PPP2R2C: variants seen among roughly 807,000 people sequenced by gnomAD.
PPP2R2C encodes the protein protein phosphatase 2 regulatory subunit Bgamma, also known as protein phosphatase 2, regulatory subunit B, gamma.
In PPP2R2C, 10 loss-of-function variants were observed where a neutral mutation model predicts 45.3. The observed-to-expected ratio is 0.22, with a 90% CI of 0.14 to 0.37. PPP2R2C has a LOEUF of 0.37. PPP2R2C is among the 10% of genes least tolerant of loss of function. The pLI, the probability that PPP2R2C is intolerant of heterozygous loss-of-function variation, is 1.00. For missense variants in PPP2R2C, 308 were observed against 619.7 expected (o/e 0.50, Z 5.34); for synonymous variants, 257 against 245.4 (o/e 1.05, Z -0.44).
chr4:6,448,161 T>G (rs889118352), intron 1 of PPP2R2C, among the ~76,000 whole-genome samples: 3 of 152,116 alleles, frequency 2.0e-5, no homozygotes, highest in Non-Finnish European at 4.4e-5. Flanking sequence ...TTGGGTGCGT[T>G]CTCTGTGCCA....
intron 5 of PPP2R2C, among the ~76,000 whole-genome samples, chr4:6,366,911 G>C (rs1265644257): frequency 1.3e-5 from 2 of 152,080 alleles, no homozygotes; most frequent in African/African-American, 4.8e-5. Flanking sequence ...GTTTTAAGGG[G>C]GGCTGACATG....
chr4:6,403,793 G>A (rs1236908475), intron 1 of PPP2R2C, among the ~76,000 whole-genome samples: 3 of 151,968 alleles, frequency 2.0e-5, no homozygotes, highest in Non-Finnish European at 4.4e-5. Context: ...AACCTGGGAG[G>A]CGGAGGTTGC....
intron 1 of PPP2R2C, among the ~76,000 whole-genome samples, chr4:6,466,024 C>T (rs891494361): frequency 1.3e-5 from 2 of 152,170 alleles, no homozygotes; most frequent in African/African-American, 4.8e-5. Context: ...GAAAGGACAC[C>T]ATAGGGTTCC....
intron 5 of PPP2R2C, among the ~76,000 whole-genome samples, chr4:6,369,933 G>T (rs1050853328): frequency 6.6e-6 from 1 of 152,150 alleles, no homozygotes. Flanking sequence ...CGTGGGGAAT[G>T]AATGGTTGAA....
At chr4:6,548,271 C>T (rs531851569) in intron 1 of PPP2R2C, among the ~76,000 whole-genome samples, 2 of 152,144 alleles carry the variant, frequency 1.3e-5, no homozygotes, top group South Asian at 4.2e-4. Context: ...CACAACCACA[C>T]CTGTTAGGAT....
At chr4:6,496,005 G>C (rs576114015) in intron 2 of PPP2R2C, among the ~76,000 whole-genome samples, 1 of 152,218 alleles carries the variant, frequency 6.6e-6, no homozygotes, top group South Asian at 2.1e-4. Context: ...GTGCCCCTTG[G>C]CTTGTGAACA....
intron 1 of PPP2R2C, among the ~76,000 whole-genome samples, chr4:6,543,448 CGTG>C (rs1369085280): frequency 2.0e-5 from 3 of 152,118 alleles, no homozygotes; most frequent in Non-Finnish European, 4.4e-5. Context: ...CCAGGCCAGG[CGTG>C]GTGGTTCATG....
intron 5 of PPP2R2C, chr4:6,351,161 A>T (rs1312822681): frequency 3.3e-6 from 2 of 600,374 alleles, no homozygotes; most frequent in East Asian, 1.4e-4. Context: ...AAAATAAAAA[A>T]AAATTAGCCA....
chr4:6,396,288 G>A (rs966471394), intron 1 of PPP2R2C, among the ~76,000 whole-genome samples: 5 of 152,206 alleles, frequency 3.3e-5, no homozygotes, highest in African/African-American at 1.2e-4. Flanking sequence ...CCTGAGCCAT[G>A]AGAGTGACGG....
intron 5 of PPP2R2C, among the ~76,000 whole-genome samples, chr4:6,352,640 G>A (rs1712677705): frequency 6.6e-6 from 1 of 152,206 alleles, no homozygotes; most frequent in Non-Finnish European, 1.5e-5. Flanking sequence ...GAATTCCAGA[G>A]AGAGGAGCAA....
chr4:6,413,241 A>G (rs1399514041), intron 1 of PPP2R2C, among the ~76,000 whole-genome samples: 8 of 145,500 alleles, frequency 5.5e-5, no homozygotes, highest in African/African-American at 1.7e-4. Flanking sequence ...TTGTACATAC[A>G]AACACACAGT....
chr4:6,475,925 T>C (rs1220189447), upstream of PPP2R2C, among the ~76,000 whole-genome samples: 1 of 152,096 alleles, frequency 6.6e-6, no homozygotes, highest in African/African-American at 2.4e-5. Flanking sequence ...GGGGTCTTCA[T>C]GGAGAGATTA....
intron 1 of PPP2R2C, among the ~76,000 whole-genome samples, chr4:6,404,439 C>T (rs187856822): frequency 5.0e-4 from 76 of 152,336 alleles, no homozygotes; most frequent in African/African-American, 1.7e-3. Context: ...CTCCTGACCT[C>T]GCTTGTATGC....
At chr4:6,419,074 A>T (rs1411819249) in intron 1 of PPP2R2C, among the ~76,000 whole-genome samples, 1 of 152,230 alleles carries the variant, frequency 6.6e-6, no homozygotes, top group Admixed American at 6.5e-5. Context: ...CCAGCCCAAG[A>T]GCTAAGAATG....
chr4:6,467,138 A>G (rs964388161), intron 1 of PPP2R2C, among the ~76,000 whole-genome samples: 1 of 152,228 alleles, frequency 6.6e-6, no homozygotes, highest in Non-Finnish European at 1.5e-5. Flanking sequence ...AAGCTTATGT[A>G]AGTGGCGTTT....
chr4:6,357,561 C>T (rs771723752), intron 5 of PPP2R2C, among the ~76,000 whole-genome samples: 2 of 152,204 alleles, frequency 1.3e-5, no homozygotes, highest in Non-Finnish European at 2.9e-5. Context: ...CGCCCACAGC[C>T]CCAGGCCTAC....
At chr4:6,369,269 C>T (rs991244944) in intron 5 of PPP2R2C, among the ~76,000 whole-genome samples, 18 of 152,200 alleles carry the variant, frequency 1.2e-4, no homozygotes, top group African/African-American at 3.6e-4. Context: ...TGGTGGCTGC[C>T]GCCCCATGAG....
At chr4:6,535,437 G>C in intron 1 of PPP2R2C, 1 of 1,128,686 alleles carries the variant, frequency 8.9e-7, no homozygotes, top group Non-Finnish European at 1.3e-6. Flanking sequence ...CATGCACGCC[G>C]CCACACACCA....
intron 1 of PPP2R2C, among the ~76,000 whole-genome samples, chr4:6,467,778 C>T (rs1461503462): frequency 4.6e-5 from 7 of 152,158 alleles, no homozygotes; most frequent in Admixed American, 1.3e-4. Context: ...AGTTCAGAGG[C>T]GGCCTGGACA....
Sources: gnomAD v4.1 joint callset for allele counts (sites outside exome capture counted in the v4.1 genomes callset) on GRCh38, gnomAD v4.1.1 for gene constraint, MANE v1.5 for transcripts, NCBI Gene and HGNC (gene_info 2026-07-23, HGNC 2026-07-21) for gene names.